The following EIF2AK4 variants were observed in gnomAD, a reference collection of about 807,000 sequenced individuals.
EIF2AK4 encodes eukaryotic translation initiation factor 2 alpha kinase 4, also known as eIF-2-alpha kinase GCN2.
Under a neutral mutation model 211.1 loss-of-function variants are expected in EIF2AK4, and 139 were observed. That is an observed-to-expected ratio of 0.66 (90% confidence interval 0.57 to 0.76). The LOEUF (loss-of-function observed/expected upper bound fraction) is 0.76, where lower values mean the gene tolerates loss of function less well. Among genes scored for constraint, EIF2AK4 ranks in the 30% least tolerant of loss-of-function variants. The pLI is 0.00. For synonymous variants in EIF2AK4, 710 were observed against 751.3 expected (o/e 0.94, Z 0.90); for missense variants, 1,664 against 2,043.8 (o/e 0.81, Z 3.58).
At chr15:40,034,586 C>G (rs1259923382) in intron 38 of EIF2AK4, 142 bp downstream of exon 38, 2 of 666,970 alleles carry the variant, frequency 3.0e-6, no homozygotes, top group Non-Finnish European at 5.3e-6. Flanking sequence ...ACCAATAAAT[C>G]TTGCTTGGAC....
At chr15:39,969,356 C>CTTTTTTTTTTTTTT (rs10550245) in intron 9 of EIF2AK4, among the ~76,000 whole-genome samples, 3 of 101,306 alleles carry the variant, frequency 3.0e-5, no homozygotes, top group East Asian at 2.8e-4. Context: ...ATTTCTTATT[C>CTTTTTTTTTTTTTT]TTTTTTTTTT....
At chr15:39,952,394 G>A (rs2034331273) in intron 4 of EIF2AK4, among the ~76,000 whole-genome samples, 1 of 151,456 alleles carries the variant, frequency 6.6e-6, no homozygotes, top group Non-Finnish European at 1.5e-5. Context: ...TCCCGCCTAA[G>A]CTGCCTGAGT....
At chr15:40,032,514 A>G (rs998145555) in intron 36 of EIF2AK4, among the ~76,000 whole-genome samples, 1 of 152,250 alleles carries the variant, frequency 6.6e-6, no homozygotes, top group Non-Finnish European at 1.5e-5. Context: ...CTTACACCGA[A>G]TACATGTAGC....
At chr15:40,025,947 A>C (rs780894131) in intron 32 of EIF2AK4, 30 bp from the exon 33 acceptor site, 1 of 1,604,388 alleles carries the variant, frequency 6.2e-7, no homozygotes, top group South Asian at 1.1e-5. Flanking sequence ...AGAAACCTCC[A>C]AATGATAGAT....
At chr15:40,023,873 G>T (rs1335757185) in intron 32 of EIF2AK4, among the ~76,000 whole-genome samples, 1 of 152,002 alleles carries the variant, frequency 6.6e-6, no homozygotes, top group African/African-American at 2.4e-5. Flanking sequence ...TTTAGATGAG[G>T]TATTGACAAA....
At chr15:39,983,746 T>C (rs1249880615) in intron 13 of EIF2AK4, among the ~76,000 whole-genome samples, 1 of 152,258 alleles carries the variant, frequency 6.6e-6, no homozygotes, top group Non-Finnish European at 1.5e-5. Context: ...CCGGCCTGGA[T>C]ATTAGCCCTT....
intron 27 of EIF2AK4, among the ~76,000 whole-genome samples, chr15:40,012,289 C>T (rs995727828): frequency 1.3e-5 from 2 of 152,168 alleles, no homozygotes; most frequent in African/African-American, 4.8e-5. Flanking sequence ...GCCCTCAACT[C>T]TGTAAAACAG....
At chr15:39,942,324 C>G (rs914149875) in intron 2 of EIF2AK4, among the ~76,000 whole-genome samples, 3 of 152,128 alleles carry the variant, frequency 2.0e-5, no homozygotes, top group African/African-American at 7.2e-5. Flanking sequence ...CATCCCAGCT[C>G]TTTGGGGAGG....
intron 27 of EIF2AK4, 120 bp from the exon 28 acceptor site, chr15:40,016,382 G>GACC (rs1243905197): frequency 1.6e-6 from 2 of 1,243,688 alleles, no homozygotes; most frequent in African/African-American, 3.0e-5. Flanking sequence ...AATAATCTTT[G>GACC]ACCACAAAGA....
At chr15:39,952,751 G>A (rs180758295) in intron 4 of EIF2AK4, among the ~76,000 whole-genome samples, 5 of 152,134 alleles carry the variant, frequency 3.3e-5, no homozygotes, top group African/African-American at 1.2e-4. Flanking sequence ...CATTAACACT[G>A]TCTTTTTGTA....
chr15:40,012,144 A>G (rs564459250), intron 27 of EIF2AK4, among the ~76,000 whole-genome samples: 34 of 152,310 alleles, frequency 2.2e-4, no homozygotes, highest in African/African-American at 7.7e-4. Context: ...AGGAAGAGTC[A>G]CTCAATCTTT....
At chr15:40,002,865 G>A (rs576295938) in intron 22 of EIF2AK4, 77 bp downstream of exon 22, 195 of 1,476,206 alleles carry the variant, frequency 1.3e-4, no homozygotes, top group African/African-American at 1.8e-4. Context: ...GTTAGTGTTC[G>A]GGCATATCAT....
intron 28 of EIF2AK4, 146 bp from the exon 29 acceptor site, chr15:40,016,962 G>A: frequency 9.0e-7 from 1 of 1,108,478 alleles, no homozygotes; most frequent in Non-Finnish European, 1.3e-6. Context: ...TGGTTAAACA[G>A]ACTTTGAGCT....
chr15:40,030,677 C>T (rs561612900), intron 35 of EIF2AK4, among the ~76,000 whole-genome samples: 2 of 152,158 alleles, frequency 1.3e-5, no homozygotes, highest in Non-Finnish European at 2.9e-5. Flanking sequence ...CTCAAGGCAG[C>T]TGTTGTCAGA....
At position 39,978,154 on chromosome 15, in the gene EIF2AK4, A is replaced by T; in HGVS notation, c.2319+7A>T. On this transcript the variant is annotated splice_region_variant and intron_variant, in intron 13 of 38. Transcript: ENST00000263791. ...CAGTAAAAGTCAGAATCAGGTATAT[A>T]TATGAATAGAAATTATATCATTTTA... 1 of 1,473,404 alleles carries T rather than the reference A, an allele frequency of 6.8e-7. No individual in the cohort carries two copies. Among genetic ancestry groups the T allele is most frequent in the South Asian group, 1.3e-5 (1 of 78,418 alleles). 91.3% of individuals were successfully genotyped at this position (1,473,404 alleles called of 1,614,324 possible).
chr15:40,002,537 CATGAAAGAT>C lies in EIF2AK4; in HGVS notation c.3160-172_3160-164del, dbSNP rs2035106885. ...TTAGCTCTTGCTTTCCAAAGCAGGCCATGAAAGATATGTGTCCTCTTCCCTGATGTGTTC... is the reference window on the plus strand; with the variant it reads ...TTAGCTCTTGCTTTCCAAAGCAGGCCATGTGTCCTCTTCCCTGATGTGTTC... On this transcript the variant is annotated intron_variant, in intron 21 of 38. Transcript: ENST00000263791. 8.6e-6 allele frequency: 5 copies of C among 582,230 alleles called. No homozygotes were observed. In the Admixed American group the frequency reaches 9.9e-5, roughly 12 times the overall value. 36.1% of individuals were successfully genotyped at this position (582,230 alleles called of 1,614,324 possible). A position where few individuals can be genotyped will look rare whatever the true frequency, so the allele number is the denominator to read the frequency against.
At chr15:39,953,236 C>T (rs147682676) in intron 4 of EIF2AK4, among the ~76,000 whole-genome samples, 263 of 152,336 alleles carry the variant, frequency 1.7e-3, no homozygotes, top group African/African-American at 6.1e-3. Context: ...TTTGTTTTGA[C>T]ATACTGCTAT....
chr15:40,029,306 A>C, intron 33 of EIF2AK4, 100 bp from the exon 34 acceptor site: 1 of 1,421,262 alleles, frequency 7.0e-7, no homozygotes, highest in Non-Finnish European at 9.2e-7. Context: ...TTTTATATTT[A>C]ATGGAAAAGT....
intron 8 of EIF2AK4, among the ~76,000 whole-genome samples, chr15:39,966,520 GA>G (rs2034546709): frequency 6.8e-6 from 1 of 147,566 alleles, no homozygotes; most frequent in African/African-American, 2.5e-5. Context: ...AAAAAGAAAA[GA>G]AAAATACTGC....
Sources: allele counts gnomAD v4.1 joint callset (sites outside exome capture counted in the v4.1 genomes callset), GRCh38; gene constraint gnomAD v4.1.1; transcripts MANE v1.5; gene names NCBI Gene and HGNC (gene_info 2026-07-23, HGNC 2026-07-21).